Variants in AK5 observed in about 807,000 individuals in gnomAD.
The protein encoded by AK5 is adenylate kinase 5.
AK5 carries 27 observed loss-of-function variants against 69.5 expected under a neutral mutation model. The ratio of observed to expected loss-of-function variants is 0.39; its 90% CI spans 0.29 to 0.54. The LOEUF is 0.54. Ranked by LOEUF, AK5 falls within the 20% of genes least tolerant of loss-of-function variation. The probability of loss-of-function intolerance (pLI) is 0.71; values close to 1 mark genes in which losing one functional copy is unlikely to be tolerated. For synonymous variants in AK5, 260 were observed against 244.4 expected, an observed-to-expected ratio of 1.06 and a Z score of -0.60; for missense variants, 531 against 700.4, an observed-to-expected ratio of 0.76 and a Z score of 2.73.
At chr1:77,479,495 C>T (rs139284316) in intron 8 of AK5, among the ~76,000 whole-genome samples, 38 of 152,220 alleles carry the variant, frequency 2.5e-4, no homozygotes, top group African/African-American at 8.9e-4. Flanking sequence ...CGTGAGCCAC[C>T]GTACCCGGCC....
chr1:77,444,316 A>G (rs561148876), intron 8 of AK5, among the ~76,000 whole-genome samples: 1 of 82,006 alleles, frequency 1.2e-5, no homozygotes, highest in African/African-American at 4.7e-5. Context: ...TATACACAAT[A>G]TATGTGTATA....
chr1:77,283,688 T>G (rs752907603), intron 1 of AK5: 30 of 866,902 alleles, frequency 3.5e-5, no homozygotes, highest in Admixed American at 6.2e-5. Flanking sequence ...GTGAAAATAA[T>G]TAGGTGGTGT....
chr1:77,394,629 G>A (rs1648714220), intron 6 of AK5, among the ~76,000 whole-genome samples: 1 of 151,942 alleles, frequency 6.6e-6, no homozygotes, highest in Non-Finnish European at 1.5e-5. Context: ...TATAGTAGGT[G>A]CACAACAAGT....
At position 77,390,319 on chromosome 1, in the gene AK5, G is replaced by T. The variant is rs186249403; in HGVS notation, c.892-20662G>T. On this transcript the variant is annotated intron_variant, in intron 6 of 13. Transcript: ENST00000354567. ...ATAATTATTTATAATTGCATTATTT[G>T]TCATGGTTTACAAAACACAGATGCA... 9.7e-4 allele frequency among the ~76,000 whole-genome samples: 148 copies of T among 152,276 alleles called. 1 individual carries two copies. The highest frequency in any genetic ancestry group is 3.3e-3 in the African/African-American group (136 of 41,550).
At position 77,483,314 on chromosome 1, in the gene AK5, C is replaced by T; in HGVS notation, c.1060-3C>T. On this transcript the variant is annotated splice_polypyrimidine_tract_variant and splice_region_variant and intron_variant, in intron 8 of 13. Transcript: ENST00000354567. ...TTATCTAATATTGTGATTTTTTTAA[C>T]AGGGTGATGACCAGTTAAATGTATT... 1 of 1,609,694 alleles carries T rather than the reference C, an allele frequency of 6.2e-7. No individual in the cohort carries two copies.
In AK5 at chr1:77,367,569, A is replaced by T. The variant is rs1247603949; in HGVS notation, c.891+27001A>T. ...ATTTATGTTATTTTTATATATATAT[A>T]TATATATATAATATATATGTTATAT... On this transcript the variant is annotated intron_variant, in intron 6 of 13. Transcript: ENST00000354567. 1.4e-3 allele frequency among the ~76,000 whole-genome samples: 43 copies of T among 31,642 alleles called. 8 individuals are homozygous for T. Among genetic ancestry groups the T allele is most frequent in the Admixed American group, 2.8e-3 (5 of 1,816 alleles). The allele number at this position is 31,642 out of a possible 152,430, so 20.8% of individuals were successfully genotyped here. A position where few individuals can be genotyped will look rare whatever the true frequency, so the allele number is the denominator to read the frequency against.
chr1:77,486,492 G>T, intron 10 of AK5, 140 bp downstream of exon 10: 1 of 519,220 alleles, frequency 1.9e-6, no homozygotes, highest in Non-Finnish European at 3.4e-6. Flanking sequence ...TCAGGAGATC[G>T]AGACCATCCT....
Position 77,518,646 on chromosome 1 carries a change from C to T in AK5, c.1230C>T (p.Leu410=). The change falls in exon 11 of 14, where the codon CTC becomes CTT. Residue 410 remains leucine, a synonymous_variant. Transcript: ENST00000354567. ...YGFTHLSTGE[L]LREELASESE... is the part of the protein sequence containing the mutation. ...TTACACATCTCTCAACTGGCGAGCTCCTGCGTGAGGAACTGGCATCAGAAT... is the reference window on the plus strand; with the variant it reads ...TTACACATCTCTCAACTGGCGAGCTTCTGCGTGAGGAACTGGCATCAGAAT... 6.2e-7 allele frequency: 1 copy of T among 1,614,142 alleles called. No homozygotes were observed. The highest frequency in any genetic ancestry group is 8.5e-7 in the Non-Finnish European group (1 of 1,180,024).
intron 5 of AK5, among the ~76,000 whole-genome samples, chr1:77,313,242 A>T (rs545758119): frequency 6.6e-6 from 1 of 152,080 alleles, no homozygotes; most frequent in East Asian, 1.9e-4. Context: ...TTTACAGGTA[A>T]GGAAACCAAG....
At chr1:77,506,028 T>C (rs2100275791) in intron 10 of AK5, among the ~76,000 whole-genome samples, 1 of 152,246 alleles carries the variant, frequency 6.6e-6, no homozygotes, top group East Asian at 1.9e-4. Flanking sequence ...TGTTTAAAAA[T>C]CTGGAAGAGG....
intron 6 of AK5, among the ~76,000 whole-genome samples, chr1:77,343,230 C>T (rs1259897597): frequency 1.3e-5 from 2 of 152,138 alleles, no homozygotes; most frequent in African/African-American, 4.8e-5. Flanking sequence ...TCTCCACACT[C>T]CAATAGCATT....
At chr1:77,347,495 A>T (rs1661973352) in intron 6 of AK5, among the ~76,000 whole-genome samples, 1 of 152,182 alleles carries the variant, frequency 6.6e-6, no homozygotes. Flanking sequence ...TGCCCACTTA[A>T]TTTACCTATT....
rs1435199736 is a variant in AK5 at position 77,459,631 on chromosome 1, C to T, written c.1060-23686C>T. Among the ~76,000 whole-genome samples the T allele has an allele frequency of 2.6e-5, 4 of 152,222 alleles. 1 individual carries two copies. In the East Asian group the frequency reaches 5.8e-4, roughly 22 times the overall value. ...TTTGTAATGAGTCCTCAGGTAATGC[C>T]GATGGTCCAGGGACCACACTTTGAG... On this transcript the variant is annotated intron_variant, in intron 8 of 13. Coordinates refer to ENST00000354567, the MANE Select transcript of AK5 (RefSeq NM_174858.3).
Position 77,288,652 on chromosome 1 carries a change from T to C in AK5, c.247+1525T>C, listed in dbSNP as rs1209411430. On this transcript the variant is annotated intron_variant, in intron 2 of 13. Coordinates refer to ENST00000354567, the MANE Select transcript of AK5 (RefSeq NM_174858.3). ...GAGTCCTTCACCATTCATGCAGAAGTCAATGATATGACTCTGACCAAACTT... is the reference window on the plus strand; with the variant it reads ...GAGTCCTTCACCATTCATGCAGAAGCCAATGATATGACTCTGACCAAACTT... Among the ~76,000 whole-genome samples the C allele has an allele frequency of 2.0e-5, 3 of 152,128 alleles. No individual in the cohort carries two copies. The East Asian group carries it at 5.8e-4, about 29-fold the overall frequency.
chr1:77,462,706 G>A (rs981492687), intron 8 of AK5, among the ~76,000 whole-genome samples: 28 of 151,772 alleles, frequency 1.8e-4, no homozygotes, highest in African/African-American at 6.8e-4. Context: ...CAATAATTTG[G>A]GTATTTTCTG....
At chr1:77,539,700 G>A (rs565073736) in intron 13 of AK5, among the ~76,000 whole-genome samples, 3 of 152,310 alleles carry the variant, frequency 2.0e-5, no homozygotes, top group African/African-American at 7.2e-5. Flanking sequence ...GGCCCACTCT[G>A]TTGTCTGGCC....
rs1030275190 is a variant in AK5 at position 77,559,844 on chromosome 1, T to A, written c.*1174T>A. On this transcript the variant is annotated 3_prime_UTR_variant, in exon 14 of 14. Coordinates refer to ENST00000354567, the MANE Select transcript of AK5 (RefSeq NM_174858.3). ...AAAGCATAGTTTCAGTTTGCATGAA[T>A]TTTTTTTTTTTTCTTCAATGGCTGT... is the stretch of plus-strand genomic sequence containing the variant. The A allele has an allele frequency of 2.2e-5, 3 of 137,814 alleles. No homozygotes were observed. Among genetic ancestry groups the A allele is most frequent in the African/African-American group, 8.6e-5 (3 of 34,692 alleles). 8.5% of individuals were successfully genotyped at this position (137,814 alleles called of 1,614,324 possible).
At chr1:77,485,255 C>T (rs976858707) in intron 9 of AK5, among the ~76,000 whole-genome samples, 1 of 152,204 alleles carries the variant, frequency 6.6e-6, no homozygotes. Context: ...TTTCAACGAT[C>T]CCAAACTTAC....
intron 13 of AK5, among the ~76,000 whole-genome samples, chr1:77,547,599 AT>A (rs918641267): frequency 8.6e-5 from 13 of 151,866 alleles, no homozygotes; most frequent in African/African-American, 2.2e-4. Context: ...ATATTTTTAC[AT>A]TTTTTTTATG....
Sources: allele counts gnomAD v4.1 joint callset (sites outside exome capture counted in the v4.1 genomes callset), GRCh38; gene constraint gnomAD v4.1.1; transcripts MANE v1.5; gene names NCBI Gene and HGNC (gene_info 2026-07-23, HGNC 2026-07-21).